DIAPH2: variants seen among roughly 807,000 people sequenced by gnomAD.
DIAPH2 encodes protein diaphanous homolog 2.
A neutral mutation model predicts 92.7 loss-of-function variants in DIAPH2; 35 were observed. That is an observed-to-expected ratio of 0.38 (90% confidence interval 0.29 to 0.50). The LOEUF (loss-of-function observed/expected upper bound fraction) is 0.50. Among genes scored for constraint, DIAPH2 ranks in the 20% least tolerant of loss-of-function variants. The pLI, the probability that DIAPH2 is intolerant of heterozygous loss-of-function variation, is 0.94. For missense variants in DIAPH2, 701 were observed against 819.5 expected (o/e 0.86, Z 1.77); for synonymous variants, 301 against 280.4 (o/e 1.07, Z -0.73).
intron 25 of DIAPH2, among the ~76,000 whole-genome samples, chrX:97,426,868 T>A (rs764359023): frequency 1.5e-4 from 17 of 111,406 alleles, no homozygotes; most frequent in African/African-American, 5.5e-4. Context: ...TGGTTGAATG[T>A]TTACTTAATG....
At chrX:97,149,287 A>T (rs1197181479) in intron 22 of DIAPH2, among the ~76,000 whole-genome samples, 10 of 111,979 alleles carry the variant, frequency 8.9e-5, no homozygotes. Flanking sequence ...TTAGAAGCAC[A>T]GAATGATAAT....
intron 17 of DIAPH2, among the ~76,000 whole-genome samples, chrX:96,977,862 T>G (rs1028343081): frequency 1.8e-5 from 2 of 111,393 alleles, no homozygotes; most frequent in Non-Finnish European, 3.8e-5. Flanking sequence ...TTTTGTATTT[T>G]TAGTAGAGAC....
At chrX:97,257,199 G>A (rs1330613064) in intron 23 of DIAPH2, among the ~76,000 whole-genome samples, 1 of 111,599 alleles carries the variant, frequency 9.0e-6, no homozygotes, top group Non-Finnish European at 1.9e-5. Flanking sequence ...AGGATTGTAT[G>A]TATACCTAGT....
intron 26 of DIAPH2, among the ~76,000 whole-genome samples, chrX:97,435,343 C>T (rs910955308): frequency 1.8e-5 from 2 of 111,282 alleles, no homozygotes; most frequent in Non-Finnish European, 3.8e-5. Context: ...CAAAATCAAA[C>T]GGGAGCCTAG....
At chrX:97,508,405 A>T (rs1370408855) in intron 26 of DIAPH2, among the ~76,000 whole-genome samples, 1 of 112,430 alleles carries the variant, frequency 8.9e-6, no homozygotes, top group Non-Finnish European at 1.9e-5. Flanking sequence ...AAGGAAATTG[A>T]AACATACTAC....
At chrX:97,208,946 A>G (rs1327179390) in intron 22 of DIAPH2, among the ~76,000 whole-genome samples, 5 of 109,335 alleles carry the variant, frequency 4.6e-5, no homozygotes, top group Non-Finnish European at 9.5e-5. Context: ...CTTCATTTGC[A>G]TTTATTACCC....
At chrX:97,036,655 C>T (rs966470743) in intron 17 of DIAPH2, among the ~76,000 whole-genome samples, 2 of 111,684 alleles carry the variant, frequency 1.8e-5, no homozygotes, top group Non-Finnish European at 3.8e-5. Flanking sequence ...TTAGAAGTGA[C>T]CATCATTCTC....
chrX:97,151,230 C>T (rs1449541988), intron 22 of DIAPH2, among the ~76,000 whole-genome samples: 1 of 110,941 alleles, frequency 9.0e-6, no homozygotes, highest in Non-Finnish European at 1.9e-5. Flanking sequence ...TTCAGGTGGC[C>T]ACTTATATGC....
intron 26 of DIAPH2, among the ~76,000 whole-genome samples, chrX:97,439,548 C>A (rs1233097305): frequency 9.5e-6 from 1 of 105,566 alleles, no homozygotes; most frequent in Non-Finnish European, 1.9e-5. Flanking sequence ...CCAGCCTGAG[C>A]GACAGGGCGA....
intron 26 of DIAPH2, among the ~76,000 whole-genome samples, chrX:97,598,827 T>C (rs1294148014): frequency 8.9e-6 from 1 of 112,270 alleles, no homozygotes; most frequent in Non-Finnish European, 1.9e-5. Flanking sequence ...AACTCTTTTC[T>C]GCTCTGCCTA....
intron 5 of DIAPH2, among the ~76,000 whole-genome samples, chrX:96,903,216 A>G (rs1451663353): frequency 9.0e-6 from 1 of 111,570 alleles, no homozygotes; most frequent in Non-Finnish European, 1.9e-5. Flanking sequence ...GGAGAAAAGA[A>G]TATGTACAGG....
At chrX:97,045,981 G>A (rs2066481179) in intron 17 of DIAPH2, among the ~76,000 whole-genome samples, 1 of 104,887 alleles carries the variant, frequency 9.5e-6, no homozygotes, top group Non-Finnish European at 1.9e-5. Flanking sequence ...AGCCTCCTAA[G>A]TAGCTGGGAC....
chrX:96,909,757 T>C (rs1002185274), intron 5 of DIAPH2, among the ~76,000 whole-genome samples: 4 of 111,351 alleles, frequency 3.6e-5, no homozygotes, highest in Admixed American at 9.6e-5. Flanking sequence ...GATTGTATCT[T>C]ATTTTTTTTA....
intron 23 of DIAPH2, among the ~76,000 whole-genome samples, chrX:97,334,682 C>CA (rs199625011): frequency 6.4e-4 from 63 of 98,594 alleles, no homozygotes; most frequent in African/African-American, 2.2e-3. Context: ...AAAAACAAAA[C>CA]AAAACAAAAA....
chrX:97,413,173 C>T lies in DIAPH2; in HGVS notation c.3146-16477C>T, dbSNP rs777925386. Among the ~76,000 whole-genome samples, 7 of 111,497 alleles carry T rather than the reference C, an allele frequency of 6.3e-5. No homozygotes were observed. The East Asian group carries it at 1.1e-3, about 18-fold the overall frequency. ...AATCCTCAATAAAATAGTGGTAAAC[C>T]GAATCCAGCAGCACACCAAAAAGCT... On this transcript the variant is annotated intron_variant, in intron 25 of 26. Coordinates refer to ENST00000324765, the MANE Select transcript of DIAPH2 (RefSeq NM_006729.5).
intron 22 of DIAPH2, among the ~76,000 whole-genome samples, chrX:97,198,265 T>TACACACACACAC (rs200339851): frequency 0.025 from 2,202 of 89,000 alleles, 89 homozygotes; most frequent in African/African-American, 0.083. Context: ...AACAACAAAA[T>TACACACACACAC]ACACACACAC....
chrX:97,325,685 C>T, intron 23 of DIAPH2, among the ~76,000 whole-genome samples: 1 of 110,777 alleles, frequency 9.0e-6, no homozygotes, highest in African/African-American at 3.3e-5. Context: ...TCACACCATT[C>T]TCCTGCCTCA....
intron 23 of DIAPH2, among the ~76,000 whole-genome samples, chrX:97,326,239 T>C (rs1387783529): frequency 8.9e-6 from 1 of 112,324 alleles, no homozygotes; most frequent in Admixed American, 9.5e-5. Flanking sequence ...CTTTATGCAT[T>C]ATCCACTAAA....
intron 3 of DIAPH2, among the ~76,000 whole-genome samples, chrX:96,740,339 A>G (rs1300325815): frequency 8.9e-6 from 1 of 112,107 alleles, no homozygotes; most frequent in African/African-American, 3.2e-5. Flanking sequence ...GGTGTCCTTA[A>G]TCACTGAAAA....
Sources: allele counts gnomAD v4.1 joint callset (sites outside exome capture counted in the v4.1 genomes callset), GRCh38; gene constraint gnomAD v4.1.1; transcripts MANE v1.5; gene names NCBI Gene and HGNC (gene_info 2026-07-23, HGNC 2026-07-21).